PLCB1: variants seen among roughly 807,000 people sequenced by gnomAD.
The protein encoded by PLCB1 is phospholipase C beta 1, also known as 1-phosphatidylinositol 4,5-bisphosphate phosphodiesterase beta-1.
A neutral mutation model predicts 161.8 loss-of-function variants in PLCB1; 46 were observed. The ratio of observed to expected loss-of-function variants is 0.28; its 90% CI spans 0.22 to 0.36. PLCB1 has a LOEUF of 0.36. Among genes scored for constraint, PLCB1 ranks in the 10% least tolerant of loss-of-function variants. The pLI is 1.00. For synonymous variants in PLCB1, 517 were observed against 503.7 expected, an observed-to-expected ratio of 1.03 and a Z score of -0.35; for missense variants, 1,016 against 1,472.5, an observed-to-expected ratio of 0.69 and a Z score of 5.07.
At chr20:8,279,223 A>G (rs1372695051) in intron 2 of PLCB1, among the ~76,000 whole-genome samples, 1 of 152,188 alleles carries the variant, frequency 6.6e-6, no homozygotes, top group African/African-American at 2.4e-5. Context: ...TAGCAAAACT[A>G]TTCACAATCA....
At chr20:8,456,797 CCTT>C (rs1185632033) in intron 3 of PLCB1, among the ~76,000 whole-genome samples, 20 of 152,286 alleles carry the variant, frequency 1.3e-4, no homozygotes, top group African/African-American at 4.8e-4. Flanking sequence ...TCACAGATAG[CCTT>C]CTTCTCACTG....
intron 3 of PLCB1, among the ~76,000 whole-genome samples, chr20:8,414,788 T>C (rs555239113): frequency 1.3e-5 from 2 of 152,296 alleles, no homozygotes; most frequent in Non-Finnish European, 2.9e-5. Context: ...TTTTATTTCA[T>C]TTTAAGTGTA....
chr20:8,473,665 C>A (rs937776249), intron 3 of PLCB1, among the ~76,000 whole-genome samples: 1 of 152,106 alleles, frequency 6.6e-6, no homozygotes, highest in Non-Finnish European at 1.5e-5. Flanking sequence ...ATCCAAGCAC[C>A]CTGGCCTCTT....
intron 4 of PLCB1, among the ~76,000 whole-genome samples, chr20:8,638,507 C>T (rs1046701496): frequency 1.3e-5 from 2 of 151,968 alleles, no homozygotes; most frequent in East Asian, 1.9e-4. Context: ...CACGCACACA[C>T]GCACACACAC....
chr20:8,428,290 G>C (rs7274669), intron 3 of PLCB1, among the ~76,000 whole-genome samples: 1 of 151,818 alleles, frequency 6.6e-6, no homozygotes, highest in African/African-American at 2.4e-5. Context: ...GTGCAATCTC[G>C]GCTCACTGCA....
chr20:8,604,437 C>G (rs1045697565), intron 3 of PLCB1, among the ~76,000 whole-genome samples: 3 of 151,894 alleles, frequency 2.0e-5, no homozygotes, highest in Non-Finnish European at 2.9e-5. Flanking sequence ...CATCCTAATT[C>G]TTTTTTTACA....
chr20:8,253,061 G>A (rs989329858), intron 2 of PLCB1, among the ~76,000 whole-genome samples: 2 of 151,902 alleles, frequency 1.3e-5, no homozygotes, highest in African/African-American at 2.4e-5. Context: ...TACTATGAGT[G>A]TTCTCATAGC....
Position 8,389,378 on chromosome 20 carries a change from G to T in PLCB1, c.246+17928G>T, listed in dbSNP as rs184175818. Among the ~76,000 whole-genome samples the T allele has an allele frequency of 2.4e-3, 364 of 152,340 alleles. 4 individuals carry two copies. Among genetic ancestry groups the T allele is most frequent in the African/African-American group, 7.8e-3 (326 of 41,584 alleles). ...CAAAGGGTTCTAAAGGACCTGGAGA[G>T]GTTGTAGAGAAGGTAAGGGAAAGGT... On this transcript the variant is annotated intron_variant, in intron 3 of 31. Coordinates refer to ENST00000338037, the MANE Select transcript of PLCB1 (RefSeq NM_015192.4).
At chr20:8,632,249 G>A (rs1449058653) in intron 4 of PLCB1, among the ~76,000 whole-genome samples, 5 of 151,808 alleles carry the variant, frequency 3.3e-5, no homozygotes, top group Non-Finnish European at 5.9e-5. Context: ...GTCTATAAAT[G>A]AGAAATGTTA....
chr20:8,722,388 T>C lies in PLCB1; in HGVS notation c.1548T>C (p.Asp516=), dbSNP rs1411766297. The part of the protein sequence containing the change: ...EADTESDDDD[D]DDDCKKSSMD... ...ATACGGAAAGTGACGACGACGATGA[T>C]GATGATGACTGTAAAAAATCTTCAA... The change falls in exon 15 of 32, where the codon GAT becomes GAC. Residue 516 remains aspartate, a synonymous_variant. Transcript: ENST00000338037. 2 of 1,611,122 alleles carry C rather than the reference T, an allele frequency of 1.2e-6. No individual in the cohort carries two copies. Among genetic ancestry groups the C allele is most frequent in the African/African-American group, 1.3e-5 (1 of 74,670 alleles).
intron 2 of PLCB1, among the ~76,000 whole-genome samples, chr20:8,312,868 C>T (rs536632711): frequency 3.9e-5 from 6 of 151,998 alleles, no homozygotes; most frequent in Non-Finnish European, 7.4e-5. Flanking sequence ...CATTGGTCAG[C>T]TCTCCTGTGC....
At chr20:8,248,608 T>C (rs572079585) in intron 2 of PLCB1, 23 of 152,060 alleles carry the variant, frequency 1.5e-4, no homozygotes, top group African/African-American at 5.3e-4. Context: ...AATGGTGGCC[T>C]TCTGACGGGA....
intron 2 of PLCB1, among the ~76,000 whole-genome samples, chr20:8,355,828 A>G (rs796066124): frequency 5.3e-5 from 8 of 152,310 alleles, no homozygotes; most frequent in African/African-American, 1.9e-4. Context: ...TGCACCTTAA[A>G]TGGTTTAATA....
At chr20:8,153,493 C>T (rs6055577) in intron 2 of PLCB1, among the ~76,000 whole-genome samples, 12 of 152,030 alleles carry the variant, frequency 7.9e-5, no homozygotes, top group African/African-American at 1.2e-4. Context: ...TCTTTGGATC[C>T]GTGCCATGTG....
chr20:8,171,986 G>A (rs1257664531), intron 2 of PLCB1, among the ~76,000 whole-genome samples: 1 of 151,960 alleles, frequency 6.6e-6, no homozygotes, highest in Non-Finnish European at 1.5e-5. Flanking sequence ...CGTATCATAT[G>A]TTCTAGTGCA....
chr20:8,364,916 T>C (rs1295433641), intron 2 of PLCB1, among the ~76,000 whole-genome samples: 1 of 152,228 alleles, frequency 6.6e-6, no homozygotes, highest in Non-Finnish European at 1.5e-5. Context: ...GAAGTAGCTA[T>C]AGAGTTCCAG....
intron 26 of PLCB1, among the ~76,000 whole-genome samples, chr20:8,770,110 G>A (rs915989219): frequency 5.9e-5 from 9 of 151,970 alleles, no homozygotes; most frequent in South Asian, 4.1e-4. Flanking sequence ...CCGCCACCAC[G>A]CCCAGCTAAT....
At chr20:8,779,631 G>A (rs567563295) in intron 27 of PLCB1, among the ~76,000 whole-genome samples, 93 of 151,374 alleles carry the variant, frequency 6.1e-4, no homozygotes, top group African/African-American at 2.2e-3. Context: ...GAGTGTGTTA[G>A]ACATGCAGAG....
At chr20:8,383,601 C>G (rs1037990887) in intron 3 of PLCB1, among the ~76,000 whole-genome samples, 1 of 152,162 alleles carries the variant, frequency 6.6e-6, no homozygotes, top group African/African-American at 2.4e-5. Context: ...ATTTTGCACA[C>G]TAGTTGATGC....
Sources: gnomAD v4.1 joint callset for allele counts (sites outside exome capture counted in the v4.1 genomes callset) on GRCh38, gnomAD v4.1.1 for gene constraint, MANE v1.5 for transcripts, NCBI Gene and HGNC (gene_info 2026-07-23, HGNC 2026-07-21) for gene names.